The following DOCK1 variants were observed in gnomAD, a reference collection of about 807,000 sequenced individuals.
The protein encoded by DOCK1 is dedicator of cytokinesis 1, also known as dedicator of cytokinesis protein 1.
A neutral mutation model predicts 262.7 loss-of-function variants in DOCK1; 138 were observed. The observed-to-expected ratio is 0.53, with a 90% CI of 0.46 to 0.61. The LOEUF is 0.61. Ranked by LOEUF, DOCK1 falls within the 20% of genes least tolerant of loss-of-function variation. The probability of loss-of-function intolerance (pLI) is 0.00; values close to 1 mark genes in which losing one functional copy is unlikely to be tolerated. For synonymous variants in DOCK1, 866 were observed against 867.4 expected (o/e 1.00, Z 0.03); for missense variants, 1,908 against 2,370.7 (o/e 0.80, Z 4.05).
intron 49 of DOCK1, among the ~76,000 whole-genome samples, chr10:127,440,664 A>T (rs2070051960): frequency 6.6e-6 from 1 of 152,216 alleles, no homozygotes. Context: ...GAAAGCAGTC[A>T]CATGCTACCT....
At chr10:127,084,550 A>C (rs933193732) in intron 23 of DOCK1, among the ~76,000 whole-genome samples, 1 of 152,204 alleles carries the variant, frequency 6.6e-6, no homozygotes, top group African/African-American at 2.4e-5. Flanking sequence ...CTGCCTGGGA[A>C]TAGGAGGCTG....
chr10:126,909,118 T>C (rs1244769969), intron 1 of DOCK1, among the ~76,000 whole-genome samples: 1 of 152,152 alleles, frequency 6.6e-6, no homozygotes, highest in Non-Finnish European at 1.5e-5. Context: ...ACAGAGAACT[T>C]TGGCTGTCAA....
rs187087293 is a variant in DOCK1 at position 127,363,329 on chromosome 10, G to A, written c.3432+1117G>A. ...GTTCGAGACCAGCCTGGGAAACATG[G>A]TGAGACTCCGTCTCTACAAAAAATA... is the stretch of plus-strand genomic sequence containing the variant. On this transcript the variant is annotated intron_variant, in intron 33 of 51. Coordinates refer to ENST00000623213, the MANE Select transcript of DOCK1 (RefSeq NM_001290223.2). 3.9e-5 allele frequency among the ~76,000 whole-genome samples: 6 copies of A among 152,290 alleles called. No individual in the cohort carries two copies. In the East Asian group the frequency reaches 1.2e-3, roughly 29 times the overall value.
At chr10:127,088,957 A>C (rs2047354894) in intron 23 of DOCK1, among the ~76,000 whole-genome samples, 1 of 152,046 alleles carries the variant, frequency 6.6e-6, no homozygotes, top group Non-Finnish European at 1.5e-5. Context: ...TACTTAGTGC[A>C]CCAGGGGTCT....
chr10:126,983,521 C>G (rs12219822), intron 4 of DOCK1, among the ~76,000 whole-genome samples: 39,513 of 151,974 alleles, frequency 0.26, 5,726 homozygotes, highest in East Asian at 0.62. Flanking sequence ...CTTGCATGAT[C>G]GTTCTCATAT....
At position 127,347,880 on chromosome 10, in the gene DOCK1, T is replaced by C. The variant is rs1431712374; in HGVS notation, c.3224+4134T>C. Among the ~76,000 whole-genome samples, 123 of 25,586 alleles carry C rather than the reference T, an allele frequency of 4.8e-3. 13 individuals carry two copies. Among genetic ancestry groups the C allele is most frequent in the East Asian group, 0.011 (16 of 1,402 alleles). The allele number at this position is 25,586 out of a possible 152,430, so 16.8% of individuals were successfully genotyped here. On this transcript the variant is annotated intron_variant, in intron 31 of 51. Coordinates refer to ENST00000623213, the MANE Select transcript of DOCK1 (RefSeq NM_001290223.2). The stretch of plus-strand genomic sequence containing the variant: ...TTCCCTTCCCTTCCCTTCCCTTCCC[T>C]TCCCATCCCTTCCCTTCCCCCTTGC...
chr10:127,433,472 T>TG (rs2069444378), intron 48 of DOCK1, 44 bp downstream of exon 48: 2 of 1,595,308 alleles, frequency 1.3e-6, no homozygotes, highest in Non-Finnish European at 1.7e-6. Flanking sequence ...AGTGAGGGCT[T>TG]GGGGGATCTG....
At chr10:127,173,995 C>A (rs896293255) in intron 27 of DOCK1, among the ~76,000 whole-genome samples, 1 of 152,232 alleles carries the variant, frequency 6.6e-6, no homozygotes, top group African/African-American at 2.4e-5. Context: ...CCAGCCTCTC[C>A]ACTGCTGGAG....
At chr10:126,973,487 A>G (rs1302955658) in intron 2 of DOCK1, among the ~76,000 whole-genome samples, 1 of 151,898 alleles carries the variant, frequency 6.6e-6, no homozygotes, top group Non-Finnish European at 1.5e-5. Context: ...CAGGCATTTG[A>G]CTTTTTGGCT....
chr10:127,150,895 T>C (rs1193883747), intron 27 of DOCK1, among the ~76,000 whole-genome samples: 1 of 152,196 alleles, frequency 6.6e-6, no homozygotes, highest in Non-Finnish European at 1.5e-5. Context: ...TTTGAAACTG[T>C]AGTGGGGGTG....
rs143223796 is a variant in DOCK1, at chr10:127,175,447, C to T, written c.2847+47683C>T. The T allele has an allele frequency of 2.3e-5, 37 of 1,611,824 alleles. No individual in the cohort carries two copies. Among genetic ancestry groups the T allele is most frequent in the Non-Finnish European group, 2.8e-5 (33 of 1,180,036 alleles). The stretch of plus-strand genomic sequence containing the variant: ...GTCTGCGACGGCTGCTCACTACATT[C>T]GGGGGACAGGCACTGCATCGGGGGT... On this transcript the variant is annotated intron_variant, in intron 27 of 51. Coordinates refer to ENST00000623213, the MANE Select transcript of DOCK1 (RefSeq NM_001290223.2). The surrounding 1 kb of genome is among the most constrained non-coding windows in gnomAD (Gnocchi z 6.3).
intron 29 of DOCK1, among the ~76,000 whole-genome samples, chr10:127,278,796 A>G (rs542712974): frequency 3.3e-5 from 5 of 152,368 alleles, no homozygotes; most frequent in Admixed American, 2.6e-4. Context: ...AGCAATGTTT[A>G]TCAAATAGAA....
intron 29 of DOCK1, among the ~76,000 whole-genome samples, chr10:127,329,731 A>G (rs1424983050): frequency 2.6e-5 from 4 of 152,152 alleles, no homozygotes; most frequent in Non-Finnish European, 4.4e-5. Context: ...AGCTGCTGCT[A>G]AATCCGTCAA....
At chr10:127,018,156 C>T (rs529961299) in intron 12 of DOCK1, among the ~76,000 whole-genome samples, 1 of 152,202 alleles carries the variant, frequency 6.6e-6, no homozygotes, top group African/African-American at 2.4e-5. Flanking sequence ...GGCCTGGGCT[C>T]CACAGGCTGC....
intron 48 of DOCK1, among the ~76,000 whole-genome samples, chr10:127,438,317 C>G (rs1448317320): frequency 6.6e-6 from 1 of 152,226 alleles, no homozygotes; most frequent in Non-Finnish European, 1.5e-5. Flanking sequence ...TTCATTTACT[C>G]CATGGTATAA....
At chr10:127,206,136 CTTTTTTTTTT>C (rs34450374) in intron 27 of DOCK1, among the ~76,000 whole-genome samples, 9 of 78,658 alleles carry the variant, frequency 1.1e-4, no homozygotes, top group Admixed American at 2.1e-4. Context: ...TTCTTCTTCT[CTTTTTTTTTT>C]TTTTTTTTTT....
chr10:127,412,641 G>A (rs537170242), intron 43 of DOCK1, among the ~76,000 whole-genome samples: 1 of 152,142 alleles, frequency 6.6e-6, no homozygotes, highest in Non-Finnish European at 1.5e-5. Flanking sequence ...AGCAAAGCTC[G>A]GAACCCTTCC....
At chr10:127,146,073 G>A (rs756898181) in intron 27 of DOCK1, 10 of 514,398 alleles carry the variant, frequency 1.9e-5, no homozygotes, top group South Asian at 8.5e-5. Flanking sequence ...ACTGCGTCCC[G>A]TATTTACCCC....
intron 2 of DOCK1, among the ~76,000 whole-genome samples, chr10:126,973,694 C>G (rs1322019972): frequency 6.6e-6 from 1 of 152,122 alleles, no homozygotes; most frequent in East Asian, 1.9e-4. Context: ...ATAGTTTTGA[C>G]TTTGGGGAGT....
Sources: allele counts gnomAD v4.1 joint callset (sites outside exome capture counted in the v4.1 genomes callset), GRCh38; gene constraint gnomAD v4.1.1; non-coding constraint Gnocchi (gnomAD v3.1); transcripts MANE v1.5; gene names NCBI Gene and HGNC (gene_info 2026-07-23, HGNC 2026-07-21).